LRP2: variants seen among roughly 807,000 people sequenced by gnomAD.
The protein encoded by LRP2 is LDL receptor related protein 2.
LRP2 carries 172 observed loss-of-function variants against 531.0 expected under a neutral mutation model. That is an observed-to-expected ratio of 0.32 (90% CI 0.29 to 0.37). The LOEUF (loss-of-function observed/expected upper bound fraction) is 0.37, where lower values mean the gene tolerates loss of function less well. Among genes scored for constraint, LRP2 ranks in the 10% least tolerant of loss-of-function variants. The pLI, the probability that LRP2 is intolerant of heterozygous loss-of-function variation, is 1.00. For synonymous variants in LRP2, 1,992 were observed against 2,027.6 expected (o/e 0.98, Z 0.47); for missense variants, 5,167 against 5,868.3 (o/e 0.88, Z 3.90).
chr2:169,323,274 G>C (rs539198754), intron 1 of LRP2, among the ~76,000 whole-genome samples: 4 of 152,100 alleles, frequency 2.6e-5, no homozygotes, highest in Non-Finnish European at 4.4e-5. Flanking sequence ...TAGTAACTTC[G>C]ATGCCTGTTT....
intron 11 of LRP2, among the ~76,000 whole-genome samples, chr2:169,280,081 A>T (rs890743629): frequency 3.5e-4 from 53 of 152,340 alleles, no homozygotes; most frequent in African/African-American, 1.2e-3. Context: ...GTTTTGAAAG[A>T]ATGTCTACTA....
In LRP2 at chr2:169,275,119, G is replaced by A; in HGVS notation, c.1892C>T (p.Thr631Ile). The change falls in exon 14 of 79, where the codon ACA becomes ATA. Residue 631 changes from threonine (T) to isoleucine (I), a missense_variant. By Grantham distance (89) the Thr-to-Ile change is moderately conservative (BLOSUM62 -1). Coordinates refer to ENST00000649046, the MANE Select transcript of LRP2 (RefSeq NM_004525.3). ...KMAVLKANKFTETNPQVYYQA... is the reference protein window; with the variant it reads ...KMAVLKANKFIETNPQVYYQA... ...GTAGTACACTTGTGGGTTGGTCTCTGTGAACTTGTTTGCCTTCAGCACGGC... is the reference window on the plus strand; with the variant it reads ...GTAGTACACTTGTGGGTTGGTCTCTATGAACTTGTTTGCCTTCAGCACGGC... 1 of 1,613,816 alleles carries A rather than the reference G, an allele frequency of 6.2e-7. No homozygotes were observed. Among genetic ancestry groups the A allele is most frequent in the South Asian group, 1.1e-5 (1 of 91,076 alleles).
intron 4 of LRP2, among the ~76,000 whole-genome samples, chr2:169,304,895 C>A (rs1011880682): frequency 6.6e-5 from 10 of 152,016 alleles, no homozygotes; most frequent in Admixed American, 1.3e-4. Flanking sequence ...TAAAAAGGAA[C>A]AAGTTCATGT....
At chr2:169,149,433 G>A (rs1037886434) in intron 68 of LRP2, among the ~76,000 whole-genome samples, 2 of 152,170 alleles carry the variant, frequency 1.3e-5, no homozygotes, top group South Asian at 2.1e-4. Flanking sequence ...GTTGTAGGTC[G>A]GGTCTGCAGG....
chr2:169,241,398 G>A, intron 24 of LRP2, 33 bp from the exon 25 acceptor site: 1 of 1,612,450 alleles, frequency 6.2e-7, no homozygotes, highest in Non-Finnish European at 8.5e-7. Context: ...ATCGGCTTGT[G>A]AATGTAATTT....
rs1200204245 is a variant in LRP2, at chr2:169,154,550, G to C, written c.12205C>G (p.Leu4069Val). 2 of 1,613,386 alleles carry C rather than the reference G, an allele frequency of 1.2e-6. No individual in the cohort carries two copies. Among genetic ancestry groups the C allele is most frequent in the Non-Finnish European group, 1.7e-6 (2 of 1,179,430 alleles). The change falls in exon 66 of 79, where the codon CTC (leucine) becomes GTC (valine). Residue 4069 changes from leucine (L) to valine (V), a missense_variant. By Grantham distance (32) the Leu-to-Val change is conservative (BLOSUM62 1). This residue lies in a region of LRP2 where 564 missense variants were observed against 747.7 expected (regional missense o/e 0.75). Coordinates refer to ENST00000649046, the MANE Select transcript of LRP2 (RefSeq NM_004525.3). ...TACTCTGAGAACCTCTCAGATGAGA[G>C]ATTATATTTTCGAATTCGGACATTG... Reference protein sequence around the residue: ...PDNVRIRKYNLSSERFSEYLQ... With the variant: ...PDNVRIRKYNVSSERFSEYLQ...
At chr2:169,216,686 T>C (rs1165345056) in intron 34 of LRP2, among the ~76,000 whole-genome samples, 3 of 152,160 alleles carry the variant, frequency 2.0e-5, no homozygotes, top group Non-Finnish European at 4.4e-5. Flanking sequence ...GGTATCCCAC[T>C]GGCAGCTGAA....
rs1001100393 is a variant in LRP2, at chr2:169,241,334, A to G, written c.3699T>C (p.Asp1233=). The change falls in exon 25 of 79, where the codon GAT becomes GAC. Residue 1233 remains aspartate (D), a synonymous_variant. Transcript: ENST00000649046. ...TACCATCTTCTTGGCACTGAAATTC[A>G]TCTGAGTGGCACATACCAGGAGGCC... is the stretch of plus-strand genomic sequence containing the variant. ...PTRPPGMCHS[D]EFQCQEDGIC... The G allele has an allele frequency of 1.9e-5, 31 of 1,614,192 alleles. No homozygotes were observed. The highest frequency in any genetic ancestry group is 2.5e-5 in the Non-Finnish European group (30 of 1,180,040).
chr2:169,265,703 A>G (rs1196645171), intron 16 of LRP2, among the ~76,000 whole-genome samples: 1 of 152,052 alleles, frequency 6.6e-6, no homozygotes, highest in Non-Finnish European at 1.5e-5. Context: ...ACTCACAGAC[A>G]TTCAAAGACT....
chr2:169,151,897 T>C (rs145431718), intron 67 of LRP2, among the ~76,000 whole-genome samples: 9 of 152,322 alleles, frequency 5.9e-5, no homozygotes, highest in African/African-American at 2.2e-4. Context: ...CCCAATTAGC[T>C]TCTTCAAAGA....
At position 169,277,831 on chromosome 2, in the gene LRP2, T is replaced by C. The variant is rs761239811; in HGVS notation, c.1686A>G (p.Val562=). 5 of 1,614,168 alleles carry C rather than the reference T, an allele frequency of 3.1e-6. No homozygotes were observed. The highest frequency in any genetic ancestry group is 3.3e-5 in the Admixed American group (2 of 60,010). ...VKTKLGWPAG[V]TLDMISKRVY... ...CACGCTTCGATATCATATCCAGAGT[T>C]ACCCCAGCAGGCCATCCCAGCTTTG... is the stretch of plus-strand genomic sequence containing the variant. Residue 562 remains valine (V), a synonymous_variant, in exon 13 of 79, where the codon GTA becomes GTG. Transcript: ENST00000649046.
intron 66 of LRP2, among the ~76,000 whole-genome samples, chr2:169,154,047 C>A (rs370999265): frequency 1.1e-3 from 170 of 152,256 alleles, no homozygotes; most frequent in African/African-American, 3.6e-3. Flanking sequence ...GACATAGATT[C>A]ATGGTGAGCA....
chr2:169,232,458 T>C (rs2105370034), intron 30 of LRP2, among the ~76,000 whole-genome samples: 2 of 152,164 alleles, frequency 1.3e-5, no homozygotes, highest in African/African-American at 4.8e-5. Flanking sequence ...ATGGTAGGTA[T>C]TCACTGTAAA....
In LRP2 at chr2:169,132,015, A is replaced by G. The variant is rs143377561; in HGVS notation, c.13728+559T>C. 1.2e-4 allele frequency among the ~76,000 whole-genome samples: 19 copies of G among 152,258 alleles called. 2 individuals are homozygous for G. In the East Asian group the frequency reaches 2.7e-3, roughly 22 times the overall value. On this transcript the variant is annotated intron_variant, in intron 77 of 78. Coordinates refer to ENST00000649046, the MANE Select transcript of LRP2 (RefSeq NM_004525.3). Reference sequence around the variant, plus strand: ...CATCTAGTGGCATTTTTTTCTTTCAATCTCCAGTATTAAACACCATCCCTG... The same window carrying G: ...CATCTAGTGGCATTTTTTTCTTTCAGTCTCCAGTATTAAACACCATCCCTG...
At chr2:169,275,542 T>C (rs1006693545) in intron 13 of LRP2, among the ~76,000 whole-genome samples, 3 of 152,172 alleles carry the variant, frequency 2.0e-5, no homozygotes, top group African/African-American at 7.2e-5. Context: ...TCCTTTTAGG[T>C]TGCCCCACAT....
intron 1 of LRP2, among the ~76,000 whole-genome samples, chr2:169,355,768 A>G (rs2105583396): frequency 6.6e-6 from 1 of 152,340 alleles, no homozygotes; most frequent in East Asian, 1.9e-4. Flanking sequence ...TTGGCCTGAC[A>G]TAGTTTGAGC....
chr2:169,200,592 A>C (rs946273184), intron 44 of LRP2, among the ~76,000 whole-genome samples: 3 of 152,228 alleles, frequency 2.0e-5, no homozygotes, highest in African/African-American at 7.2e-5. Context: ...CATGAAGATC[A>C]AAGAGTTCAA....
intron 1 of LRP2, among the ~76,000 whole-genome samples, chr2:169,331,620 A>G (rs750997581): frequency 3.3e-5 from 5 of 152,224 alleles, no homozygotes; most frequent in Non-Finnish European, 7.3e-5. Context: ...TAAAAGAGCT[A>G]CACTTACAGG....
At chr2:169,166,129 T>C in intron 61 of LRP2, 75 bp from the exon 62 acceptor site, 1 of 1,502,376 alleles carries the variant, frequency 6.7e-7, no homozygotes, top group Non-Finnish European at 9.2e-7. Context: ...AATACTCCAG[T>C]GTCAGCACCA....
Sources: allele counts gnomAD v4.1 joint callset (sites outside exome capture counted in the v4.1 genomes callset), GRCh38; gene constraint gnomAD v4.1.1; regional missense constraint gnomAD v4.1.1; transcripts MANE v1.5; gene names NCBI Gene and HGNC (gene_info 2026-07-23, HGNC 2026-07-21).